CTNND2: variants seen among roughly 807,000 people sequenced by gnomAD.
CTNND2 encodes catenin delta 2.
CTNND2 carries 22 observed loss-of-function variants against 144.4 expected under a neutral mutation model. The ratio of observed to expected loss-of-function variants is 0.15; its 90% CI spans 0.11 to 0.22. CTNND2 has a LOEUF of 0.22. CTNND2 is among the 10% of genes least tolerant of loss of function. The probability of loss-of-function intolerance (pLI) is 1.00; values close to 1 mark genes in which losing one functional copy is unlikely to be tolerated. For synonymous variants in CTNND2, 751 were observed against 695.6 expected (o/e 1.08, Z -1.25); for missense variants, 1,353 against 1,618.8 (o/e 0.84, Z 2.82).
intron 12 of CTNND2, among the ~76,000 whole-genome samples, chr5:11,130,310 C>T (rs1580372510): frequency 6.6e-6 from 1 of 152,108 alleles, no homozygotes; most frequent in African/African-American, 2.4e-5. Flanking sequence ...ACGGAGGGCC[C>T]CTCTTTTGAT....
chr5:11,772,452 T>G (rs1283028994), intron 1 of CTNND2, among the ~76,000 whole-genome samples: 1 of 152,146 alleles, frequency 6.6e-6, no homozygotes, highest in Non-Finnish European at 1.5e-5. Context: ...CAGAGGACTT[T>G]GAATATTTTA....
At chr5:11,242,457 T>C (rs1742549868) in intron 9 of CTNND2, among the ~76,000 whole-genome samples, 1 of 152,172 alleles carries the variant, frequency 6.6e-6, no homozygotes, top group East Asian at 1.9e-4. Context: ...TAAAAGACAA[T>C]GTCTAAAGAA....
intron 3 of CTNND2, among the ~76,000 whole-genome samples, chr5:11,541,270 T>C (rs963341426): frequency 1.3e-5 from 2 of 152,154 alleles, no homozygotes; most frequent in Admixed American, 6.5e-5. Context: ...TCTAATATTA[T>C]AGCATTTTCA....
chr5:11,666,102 A>T (rs1302786708), intron 2 of CTNND2, among the ~76,000 whole-genome samples: 2 of 152,216 alleles, frequency 1.3e-5, no homozygotes, highest in Admixed American at 1.3e-4. Context: ...CTTAAGCCCC[A>T]AACCTAACAT....
intron 18 of CTNND2, among the ~76,000 whole-genome samples, chr5:11,008,170 G>A (rs770295755): frequency 2.6e-5 from 4 of 152,156 alleles, no homozygotes; most frequent in Non-Finnish European, 5.9e-5. Context: ...GAGGGAGTGG[G>A]AGACTGAATA....
chr5:11,110,832 A>G, intron 14 of CTNND2, 26 bp downstream of exon 14: 1 of 1,600,364 alleles, frequency 6.2e-7, no homozygotes, highest in Non-Finnish European at 8.5e-7. Flanking sequence ...GGATAATTGC[A>G]TGCAGCTGCA....
intron 18 of CTNND2, among the ~76,000 whole-genome samples, chr5:11,008,428 T>C (rs1262763947): frequency 6.6e-6 from 1 of 152,190 alleles, no homozygotes; most frequent in African/African-American, 2.4e-5. Context: ...GCGGTACTGC[T>C]GCCTCTGATG....
chr5:11,484,807 A>G (rs1581306370), intron 3 of CTNND2, among the ~76,000 whole-genome samples: 1 of 152,238 alleles, frequency 6.6e-6, no homozygotes, highest in East Asian at 1.9e-4. Flanking sequence ...AACAAGACAG[A>G]ACAGTATACA....
chr5:11,649,721 G>A (rs914311122), intron 2 of CTNND2, among the ~76,000 whole-genome samples: 6 of 151,968 alleles, frequency 3.9e-5, no homozygotes, highest in Non-Finnish European at 5.9e-5. Context: ...TCAATATTGC[G>A]GTTACTGTTT....
chr5:11,331,010 G>C (rs1753092086), intron 9 of CTNND2, among the ~76,000 whole-genome samples: 1 of 152,052 alleles, frequency 6.6e-6, no homozygotes, highest in South Asian at 2.1e-4. Context: ...TCAAAACAAA[G>C]AACAGCAAAT....
intron 14 of CTNND2, among the ~76,000 whole-genome samples, chr5:11,110,093 A>G (rs1446108880): frequency 6.6e-6 from 1 of 152,126 alleles, no homozygotes; most frequent in Non-Finnish European, 1.5e-5. Flanking sequence ...TTGTCCTCCC[A>G]TCGCTCCCTG....
chr5:11,437,153 T>A (rs1399773864), intron 3 of CTNND2, among the ~76,000 whole-genome samples: 1 of 152,246 alleles, frequency 6.6e-6, no homozygotes, highest in African/African-American at 2.4e-5. Flanking sequence ...TTTTTAAGAC[T>A]GAGTCAATTA....
Position 11,080,300 on chromosome 5 carries a change from A to G in CTNND2, c.2788+2396T>C, listed in dbSNP as rs555728540. On this transcript the variant is annotated intron_variant, in intron 16 of 21. Transcript: ENST00000304623. The stretch of plus-strand genomic sequence containing the variant: ...ACACCTATCAGAACAGTAATTATCA[A>G]AAAGATAAAAACCAGTGTTGGTGAG... Among the ~76,000 whole-genome samples the G allele has an allele frequency of 3.3e-5, 5 of 152,344 alleles. No individual in the cohort carries two copies. The South Asian group carries it at 1.0e-3, about 32-fold the overall frequency.
chr5:11,747,305 G>T (rs1788367245), intron 1 of CTNND2, among the ~76,000 whole-genome samples: 1 of 152,154 alleles, frequency 6.6e-6, no homozygotes, highest in African/African-American at 2.4e-5. Context: ...ATTGAAATAG[G>T]CACAGTACTT....
chr5:11,824,691 G>A (rs540100997), intron 1 of CTNND2, among the ~76,000 whole-genome samples: 6 of 152,318 alleles, frequency 3.9e-5, no homozygotes, highest in Admixed American at 3.3e-4. Flanking sequence ...GATAGGTTCT[G>A]TAAAACTAAA....
intron 6 of CTNND2, among the ~76,000 whole-genome samples, chr5:11,386,321 G>A (rs1009412517): frequency 6.6e-6 from 1 of 152,126 alleles, no homozygotes; most frequent in Non-Finnish European, 1.5e-5. Context: ...AGAGGTGGGT[G>A]GGGAGGAGGA....
At chr5:11,426,451 C>T (rs1215979046) in intron 3 of CTNND2, among the ~76,000 whole-genome samples, 2 of 152,210 alleles carry the variant, frequency 1.3e-5, no homozygotes, top group African/African-American at 4.8e-5. Flanking sequence ...CTGGACAACT[C>T]TATCTTTGAG....
At position 11,573,254 on chromosome 5, in the gene CTNND2, A is replaced by G. The variant is rs151099301; in HGVS notation, c.175-8198T>C. On this transcript the variant is annotated intron_variant, in intron 2 of 21. Transcript: ENST00000304623. ...TTAACTGCCATTATGTGCTGTTATC[A>G]TAAGTAGATATGATAGTATCACCAC... is the stretch of plus-strand genomic sequence containing the variant. Among the ~76,000 whole-genome samples the G allele has an allele frequency of 4.4e-3, 669 of 152,362 alleles. 6 individuals are homozygous for G. In the Middle Eastern group the frequency reaches 0.051, roughly 12 times the overall value.
chr5:10,984,357 A>G (rs2149489835), intron 20 of CTNND2, among the ~76,000 whole-genome samples: 1 of 152,350 alleles, frequency 6.6e-6, no homozygotes, highest in Admixed American at 6.5e-5. Context: ...TAATTTGCTG[A>G]TAGAAAATGT....
Sources: gnomAD v4.1 joint callset for allele counts (sites outside exome capture counted in the v4.1 genomes callset) on GRCh38, gnomAD v4.1.1 for gene constraint, MANE v1.5 for transcripts, NCBI Gene and HGNC (gene_info 2026-07-23, HGNC 2026-07-21) for gene names.